PRKD1: variants seen among roughly 807,000 people sequenced by gnomAD.
The protein encoded by PRKD1 is protein kinase D1, also known as serine/threonine-protein kinase D1.
Under a neutral mutation model 95.9 loss-of-function variants are expected in PRKD1, and 63 were observed. That is an observed-to-expected ratio of 0.66 (90% CI 0.54 to 0.81). PRKD1 has a LOEUF of 0.81. Ranked by LOEUF, PRKD1 falls within the 30% of genes least tolerant of loss-of-function variation. PRKD1 has a pLI of 0.00. For synonymous variants in PRKD1, 425 were observed against 423.1 expected, an observed-to-expected ratio of 1.00 and a Z score of -0.05; for missense variants, 1,048 against 1,165.3, an observed-to-expected ratio of 0.90 and a Z score of 1.47.
At chr14:29,613,022 C>T (rs1878584259) in intron 13 of PRKD1, among the ~76,000 whole-genome samples, 2 of 152,050 alleles carry the variant, frequency 1.3e-5, no homozygotes, top group South Asian at 2.1e-4. Context: ...GGCGTGAACT[C>T]GGGAGGTGGA....
At chr14:29,926,225 C>T (rs576488274) in intron 1 of PRKD1, among the ~76,000 whole-genome samples, 185 of 152,282 alleles carry the variant, frequency 1.2e-3, no homozygotes, top group African/African-American at 4.2e-3. Flanking sequence ...CATGATTATT[C>T]AAGTGATAAT....
chr14:29,789,044 G>A (rs1255405092), intron 1 of PRKD1, among the ~76,000 whole-genome samples: 1 of 151,974 alleles, frequency 6.6e-6, no homozygotes, highest in African/African-American at 2.4e-5. Flanking sequence ...GCGCTACTAT[G>A]CCTGACTAAT....
chr14:29,629,029 G>C lies in PRKD1; in HGVS notation c.1725+12C>G, dbSNP rs1355363625. ...ACATTAGCAAGTTTTATATTAGTAG[G>C]TACATACTTACCACATTTTCTTGAA... On this transcript the variant is annotated intron_variant, in intron 11 of 17. Transcript: ENST00000331968. 1.3e-6 allele frequency: 2 copies of C among 1,577,282 alleles called. No individual in the cohort carries two copies. Among genetic ancestry groups the C allele is most frequent in the East Asian group, 4.5e-5 (2 of 44,026 alleles).
chr14:29,688,230 T>C (rs979147980), intron 2 of PRKD1, among the ~76,000 whole-genome samples: 1 of 152,192 alleles, frequency 6.6e-6, no homozygotes, highest in Admixed American at 6.5e-5. Flanking sequence ...GCCTCCACAT[T>C]TAAGAACCTT....
chr14:29,624,754 T>C (rs968145207), intron 12 of PRKD1, among the ~76,000 whole-genome samples: 1 of 152,102 alleles, frequency 6.6e-6, no homozygotes, highest in South Asian at 2.1e-4. Context: ...GAGGAGAAGA[T>C]TGGATGAAAG....
intron 4 of PRKD1, among the ~76,000 whole-genome samples, chr14:29,651,895 C>T (rs900196436): frequency 6.6e-6 from 1 of 152,092 alleles, no homozygotes; most frequent in Non-Finnish European, 1.5e-5. Context: ...CAGGCATGCA[C>T]CACCATGCCC....
chr14:29,728,627 T>C (rs1330008088), intron 1 of PRKD1, among the ~76,000 whole-genome samples: 1 of 152,190 alleles, frequency 6.6e-6, no homozygotes, highest in East Asian at 1.9e-4. Flanking sequence ...TTATTACTTA[T>C]TAGTATTTCA....
intron 1 of PRKD1, among the ~76,000 whole-genome samples, chr14:29,913,160 A>T (rs1244067406): frequency 6.6e-6 from 1 of 152,220 alleles, no homozygotes; most frequent in Non-Finnish European, 1.5e-5. Flanking sequence ...TAACATTCTA[A>T]CCTAAGTAGG....
intron 1 of PRKD1, among the ~76,000 whole-genome samples, chr14:29,844,170 A>C (rs998501490): frequency 6.6e-6 from 1 of 152,222 alleles, no homozygotes; most frequent in Non-Finnish European, 1.5e-5. Flanking sequence ...GAAGAAAATA[A>C]ATAACTATTG....
intron 2 of PRKD1, among the ~76,000 whole-genome samples, chr14:29,684,143 G>GTTTTTT (rs11285857): frequency 7.4e-5 from 10 of 135,792 alleles, no homozygotes; most frequent in Non-Finnish European, 7.9e-5. Context: ...CTTTAGAATG[G>GTTTTTT]TTTTTTTTTT....
chr14:29,654,680 C>A (rs1881734299), intron 4 of PRKD1, among the ~76,000 whole-genome samples: 1 of 152,094 alleles, frequency 6.6e-6, no homozygotes, highest in African/African-American at 2.4e-5. Flanking sequence ...TTTACCTATG[C>A]AAGCTCCATG....
chr14:29,657,457 T>C (rs1193843851), intron 4 of PRKD1: 3 of 152,210 alleles, frequency 2.0e-5, no homozygotes, highest in Non-Finnish European at 4.4e-5. Context: ...ACTATCTGTT[T>C]GTTTTGAATC....
intron 1 of PRKD1, among the ~76,000 whole-genome samples, chr14:29,815,719 C>G (rs1890659956): frequency 6.6e-6 from 1 of 152,196 alleles, no homozygotes; most frequent in Admixed American, 6.5e-5. Context: ...CCATGAAACA[C>G]TTCCAACTGT....
At chr14:29,796,121 A>T (rs934699439) in intron 1 of PRKD1, among the ~76,000 whole-genome samples, 2 of 152,170 alleles carry the variant, frequency 1.3e-5, no homozygotes, top group Admixed American at 1.3e-4. Flanking sequence ...ATTACATGGT[A>T]CATTGTGTTG....
chr14:29,748,782 C>A (rs1378317343), intron 1 of PRKD1, among the ~76,000 whole-genome samples: 2 of 152,102 alleles, frequency 1.3e-5, no homozygotes, highest in Non-Finnish European at 2.9e-5. Context: ...AAAGATGAAT[C>A]ATCTTAATGT....
At chr14:29,611,888 T>TGG (rs1878496386) in intron 13 of PRKD1, among the ~76,000 whole-genome samples, 1 of 152,160 alleles carries the variant, frequency 6.6e-6, no homozygotes, top group Non-Finnish European at 1.5e-5. Context: ...AACTTTTTAT[T>TGG]TCCTGTTAAT....
chr14:29,817,439 A>G (rs1890736102), intron 1 of PRKD1, among the ~76,000 whole-genome samples: 1 of 152,218 alleles, frequency 6.6e-6, no homozygotes, highest in African/African-American at 2.4e-5. Flanking sequence ...TCACTAACTC[A>G]TACCACAAGG....
chr14:29,824,884 G>A lies in PRKD1; in HGVS notation c.265-99210C>T, dbSNP rs529109141. Among the ~76,000 whole-genome samples, 227 of 152,086 alleles carry A rather than the reference G, an allele frequency of 1.5e-3. 2 individuals are homozygous for A. The highest frequency in any genetic ancestry group is 2.2e-3 in the Non-Finnish European group (151 of 67,956). ...TATGATTGCAGACATTCCAGCATTTGTCAGTAATGATGACACCATATTCTT... is the reference window on the plus strand; with the variant it reads ...TATGATTGCAGACATTCCAGCATTTATCAGTAATGATGACACCATATTCTT... On this transcript the variant is annotated intron_variant, in intron 1 of 17. Transcript: ENST00000331968.
At chr14:29,817,079 A>G (rs968641996) in intron 1 of PRKD1, among the ~76,000 whole-genome samples, 2 of 152,178 alleles carry the variant, frequency 1.3e-5, no homozygotes, top group African/African-American at 4.8e-5. Context: ...CATTTTTGCA[A>G]GGTTGAGGAC....
Sources: gnomAD v4.1 joint callset for allele counts (sites outside exome capture counted in the v4.1 genomes callset) on GRCh38, gnomAD v4.1.1 for gene constraint, MANE v1.5 for transcripts, NCBI Gene and HGNC (gene_info 2026-07-23, HGNC 2026-07-21) for gene names.